ZNF69: variants seen among roughly 807,000 people sequenced by gnomAD.
ZNF69 encodes the protein ZNF3.
A neutral mutation model predicts 50.9 loss-of-function variants in ZNF69; 47 were observed. That is an observed-to-expected ratio of 0.92 (90% CI 0.73 to 1.18). The LOEUF is 1.18. Ranked by LOEUF, ZNF69 falls within the 50% of genes most tolerant of loss-of-function variation. The pLI is 0.00. For missense variants in ZNF69, 717 were observed against 675.1 expected (o/e 1.06, Z -0.69); for synonymous variants, 216 against 223.1 (o/e 0.97, Z 0.29).
At chr19:11,940,023 T>G in the ZNF69 span, 10 of 151,828 alleles carry the variant, frequency 6.6e-5, no homozygotes, top group African/African-American at 2.4e-4. Flanking sequence ...CCTCTGCCTT[T>G]CAGGTTCAAG....
the ZNF69 span, among the ~76,000 whole-genome samples, chr19:11,922,179 A>G: frequency 6.6e-6 from 1 of 151,756 alleles, no homozygotes. Flanking sequence ...AAGTCTTCTT[A>G]AGCATTATTA....
intron 3 of ZNF69, among the ~76,000 whole-genome samples, chr19:11,904,379 T>C (rs542290242): frequency 1.3e-5 from 2 of 152,222 alleles, no homozygotes; most frequent in African/African-American, 4.8e-5. Flanking sequence ...GACCCCTAAA[T>C]AAAAGAAAAA....
intron 1 of ZNF69, among the ~76,000 whole-genome samples, chr19:11,901,240 T>C (rs1972237444): frequency 6.6e-6 from 1 of 152,202 alleles, no homozygotes; most frequent in Non-Finnish European, 1.5e-5. Context: ...TCTCTTGTCA[T>C]CTTATGGAAT....
At chr19:11,968,439 G>A in the ZNF69 span, among the ~76,000 whole-genome samples, 37 of 152,044 alleles carry the variant, frequency 2.4e-4, no homozygotes, top group East Asian at 7.0e-3. Flanking sequence ...GTGGGGTCTC[G>A]ATATGTTGCT....
chr19:11,979,074 A>G, the ZNF69 span: 3 of 1,614,190 alleles, frequency 1.9e-6, no homozygotes, highest in Admixed American at 5.0e-5. Context: ...GTTTTCAAAC[A>G]CACCTAAGAA....
the ZNF69 span, chr19:11,978,214 A>T: frequency 3.2e-5 from 52 of 1,613,822 alleles, no homozygotes; most frequent in Non-Finnish European, 4.4e-5. Flanking sequence ...TTCCAGGAGA[A>T]GAAAGCTTCT....
Position 11,906,541 on chromosome 19 carries a change from G to C in ZNF69, c.*443G>C, listed in dbSNP as rs952655062. Among the ~76,000 whole-genome samples the C allele has an allele frequency of 1.3e-5, 2 of 152,228 alleles. No homozygotes were observed. Among genetic ancestry groups the C allele is most frequent in the African/African-American group, 4.8e-5 (2 of 41,456 alleles). On this transcript the variant is annotated 3_prime_UTR_variant, in exon 4 of 4. Coordinates refer to ENST00000429654, the MANE Select transcript of ZNF69 (RefSeq NM_001364730.1). ...CAATATTTGCTGTTCTGCAGCCCCT[G>C]CTGGTGATACCCAGGCAAACAGGGT...
chr19:11,980,108 C>T, the ZNF69 span: 3 of 922,230 alleles, frequency 3.3e-6, no homozygotes, highest in Non-Finnish European at 1.7e-6. Flanking sequence ...TACCTCACAC[C>T]TTCGAAAACA....
chr19:11,927,331 G>C, the ZNF69 span, among the ~76,000 whole-genome samples: 3 of 151,654 alleles, frequency 2.0e-5, no homozygotes, highest in Non-Finnish European at 1.5e-5. Context: ...CTCCAGTGTG[G>C]GTAACAGAGT....
At chr19:11,924,603 T>G in the ZNF69 span, among the ~76,000 whole-genome samples, 1 of 152,022 alleles carries the variant, frequency 6.6e-6, no homozygotes. Context: ...AAAATGAAGA[T>G]CTGAAAGGAG....
At chr19:11,947,433 G>A in the ZNF69 span, 1 of 1,599,624 alleles carries the variant, frequency 6.3e-7, no homozygotes, top group Non-Finnish European at 8.5e-7. Flanking sequence ...CATGGCTGCA[G>A]TAAATCATGG....
In ZNF69 at chr19:11,905,299, A is replaced by G; in HGVS notation, c.902A>G (p.Glu301Gly). Residue 301 changes from glutamate to glycine, a missense_variant, in exon 4 of 4, where the codon GAG (glutamate) becomes GGG (glycine). Coordinates refer to ENST00000429654, the MANE Select transcript of ZNF69 (RefSeq NM_001364730.1). ...AGACATGAAAGGATTCACACGGGAGAGAAGGCTTATCAATGTAAGGAATGT... is the reference window on the plus strand; with the variant it reads ...AGACATGAAAGGATTCACACGGGAGGGAAGGCTTATCAATGTAAGGAATGT... ...YRRHERIHTG[E>G]KAYQCKECGK... 6.2e-7 allele frequency: 1 copy of G among 1,614,136 alleles called. No individual in the cohort carries two copies. The highest frequency in any genetic ancestry group is 8.5e-7 in the Non-Finnish European group (1 of 1,180,026).
At chr19:11,918,997 G>A (rs1023235185), downstream of ZNF69, among the ~76,000 whole-genome samples, 1 of 151,316 alleles carries the variant, frequency 6.6e-6, no homozygotes, top group East Asian at 1.9e-4. Flanking sequence ...CCGGGTTCAC[G>A]CCATTCTCCT....
the ZNF69 span, among the ~76,000 whole-genome samples, chr19:11,923,802 A>G: frequency 1.1e-4 from 17 of 152,322 alleles, no homozygotes; most frequent in African/African-American, 3.6e-4. Flanking sequence ...GGTGAGAAGT[A>G]GCTGAATAAC....
the ZNF69 span, chr19:11,947,521 A>G: frequency 0.027 from 44,235 of 1,611,560 alleles, 1,900 homozygotes; most frequent in African/African-American, 0.2. Context: ...TAGGAAAAAA[A>G]TGGAGTGACC....
the ZNF69 span, chr19:11,976,990 C>G: frequency 1.9e-6 from 3 of 1,611,038 alleles, no homozygotes; most frequent in South Asian, 2.2e-5. Context: ...TAGGCCCCCA[C>G]TGCTGTCACT....
At chr19:11,947,689 T>C in the ZNF69 span, 1 of 1,069,040 alleles carries the variant, frequency 9.4e-7, no homozygotes, top group Non-Finnish European at 1.4e-6. Context: ...CATTTCTTCT[T>C]AGAATATTTT....
chr19:11,949,256 T>G, the ZNF69 span: 1 of 1,613,300 alleles, frequency 6.2e-7, no homozygotes, highest in Non-Finnish European at 8.5e-7. Flanking sequence ...CATGAAAGGA[T>G]TCACACTGGA....
chr19:11,948,722 C>G, the ZNF69 span: 10 of 1,612,892 alleles, frequency 6.2e-6, no homozygotes, highest in African/African-American at 8.0e-5. Flanking sequence ...GCCTTCCATT[C>G]TTTCAGTTTA....
Sources: gnomAD v4.1 joint callset for allele counts (sites outside exome capture counted in the v4.1 genomes callset) on GRCh38, gnomAD v4.1.1 for gene constraint, MANE v1.5 for transcripts, NCBI Gene and HGNC (gene_info 2026-07-23, HGNC 2026-07-21) for gene names.